The following MAST3 variants were observed in gnomAD, a reference collection of about 807,000 sequenced individuals.
MAST3 encodes the protein microtubule-associated serine/threonine-protein kinase 3.
Under a neutral mutation model 127.0 loss-of-function variants are expected in MAST3, and 43 were observed. The observed-to-expected ratio is 0.34, with a 90% CI of 0.27 to 0.44. The LOEUF (loss-of-function observed/expected upper bound fraction) is 0.44. Among genes scored for constraint, MAST3 ranks in the 20% least tolerant of loss-of-function variants. The pLI is 1.00. For missense variants in MAST3, 1,390 were observed against 1,919.1 expected, an observed-to-expected ratio of 0.72 and a Z score of 5.15; for synonymous variants, 785 against 809.2, an observed-to-expected ratio of 0.97 and a Z score of 0.51.
At chr19:18,113,584 G>A (rs906256109) in intron 3 of MAST3, among the ~76,000 whole-genome samples, 17 of 151,988 alleles carry the variant, frequency 1.1e-4, no homozygotes, top group Middle Eastern at 3.4e-3. Context: ...CCTCAGCCTC[G>A]TGAGTAGCTG....
At chr19:18,123,112 T>A in intron 6 of MAST3, 105 bp from the exon 7 acceptor site, 1 of 1,241,910 alleles carries the variant, frequency 8.1e-7, no homozygotes, top group East Asian at 2.3e-5. Context: ...GGATGTTACC[T>A]TCTGATGGCC....
chr19:18,149,148 G>A lies in MAST3; in HGVS notation c.3509-43G>A, dbSNP rs1310705619. On this transcript the variant is annotated intron_variant, in intron 27 of 27. Coordinates refer to ENST00000687212, the MANE Select transcript of MAST3 (RefSeq NM_001393504.1). This position sits in a 1 kb window ranked among gnomAD's most constrained non-coding sequence, Gnocchi z 5.9. ...CCCACAGCTCCACTTCTGGGCTGGG[G>A]ACATTGAGGCCAGCAGCCCTGACCT... The A allele has an allele frequency of 2.1e-6, 3 of 1,437,356 alleles. No individual in the cohort carries two copies. Among genetic ancestry groups the A allele is most frequent in the Admixed American group, 5.8e-5 (2 of 34,492 alleles). 89.0% of individuals were successfully genotyped at this position (1,437,356 alleles called of 1,614,324 possible).
chr19:18,114,258 C>T (rs763870657), intron 3 of MAST3, among the ~76,000 whole-genome samples: 15 of 150,702 alleles, frequency 1.0e-4, no homozygotes, highest in Non-Finnish European at 1.8e-4. Context: ...TGCGATATCT[C>T]GGCTCACTGC....
chr19:18,147,756 C>G lies in MAST3; in HGVS notation c.3508+132C>G, dbSNP rs979767276. The G allele has an allele frequency of 5.7e-6, 4 of 695,826 alleles. No individual in the cohort carries two copies. In the Admixed American group the frequency reaches 8.9e-5, roughly 16 times the overall value. 43.1% of individuals were successfully genotyped at this position (695,826 alleles called of 1,614,324 possible). ...AAAAAGATGACCGGGATCCTGGTGT[C>G]TAGCAGGGAACCTGGGAGTACTTAG... On this transcript the variant is annotated intron_variant, in intron 27 of 27. Transcript: ENST00000687212.
rs2038462180 is a variant in MAST3, at chr19:18,110,446, G to A, written c.72-206G>A. ...CTACCCTCCCCCCACGTCTCTGTTC[G>A]TGTCGCCCAGAAACGCACCGCCGCC... On this transcript the variant is annotated intron_variant, in intron 2 of 27. Transcript: ENST00000687212. This position sits in a 1 kb window ranked among gnomAD's most constrained non-coding sequence, Gnocchi z 4.3. 1 of 981,396 alleles carries A rather than the reference G, an allele frequency of 1.0e-6. No homozygotes were observed. The highest frequency in any genetic ancestry group is 1.2e-6 in the Non-Finnish European group (1 of 826,014). 60.8% of individuals were successfully genotyped at this position (981,396 alleles called of 1,614,324 possible).
At chr19:18,126,311 A>G (rs2040611165) in intron 11 of MAST3, among the ~76,000 whole-genome samples, 1 of 152,192 alleles carries the variant, frequency 6.6e-6, no homozygotes, top group South Asian at 2.1e-4. Context: ...CTGGTCCAGC[A>G]GTAGCCAGGG....
intron 13 of MAST3, chr19:18,129,162 C>T (rs1188087158): frequency 1.2e-5 from 7 of 574,590 alleles, no homozygotes; most frequent in African/African-American, 1.1e-4. Flanking sequence ...CGAGCCAGGC[C>T]TTTACCTGCC....
At position 18,106,966 on chromosome 19, in the gene MAST3, A is replaced by ATTTT. The variant is rs60298417; in HGVS notation, c.40-594_40-591dup. The stretch of plus-strand genomic sequence containing the variant: ...CAGGCTTGAGCCACCATGCCCAGCA[A>ATTTT]TTTTTTTTTTTTTTTTTTTTTTTTT... On this transcript the variant is annotated intron_variant, in intron 1 of 27. Coordinates refer to ENST00000687212, the MANE Select transcript of MAST3 (RefSeq NM_001393504.1). Among the ~76,000 whole-genome samples, 42 of 73,948 alleles carry ATTTT rather than the reference A, an allele frequency of 5.7e-4. 3 individuals carry two copies. The highest frequency in any genetic ancestry group is 1.1e-3 in the African/African-American group (18 of 16,006). The allele number at this position is 73,948 out of a possible 152,430, so 48.5% of individuals were successfully genotyped here. A position where few individuals can be genotyped will look rare whatever the true frequency, so the allele number is the denominator to read the frequency against.
At chr19:18,121,208 T>G (rs1326501918) in intron 3 of MAST3, among the ~76,000 whole-genome samples, 1 of 151,846 alleles carries the variant, frequency 6.6e-6, no homozygotes, top group Non-Finnish European at 1.5e-5. Context: ...TAGGCTGGAG[T>G]GCTGTGGCAC....
chr19:18,138,590 C>T (rs925826070), intron 19 of MAST3, among the ~76,000 whole-genome samples: 1 of 152,166 alleles, frequency 6.6e-6, no homozygotes, highest in African/African-American at 2.4e-5. Context: ...CTCTGCCTCC[C>T]GGGTTCAAGC....
At position 18,149,739 on chromosome 19, in the gene MAST3, T is replaced by C. The variant is rs767536822; in HGVS notation, c.*13T>C. ...CGGAAGAGACTGATCCCCTGCCAGG[T>C]CTCTCCCTGGCATCAAAGTTACGCG... On this transcript the variant is annotated 3_prime_UTR_variant, in exon 28 of 28. Coordinates refer to ENST00000687212, the MANE Select transcript of MAST3 (RefSeq NM_001393504.1). This position sits in a 1 kb window ranked among gnomAD's most constrained non-coding sequence, Gnocchi z 5.9. The C allele has an allele frequency of 6.2e-7, 1 of 1,610,378 alleles. No homozygotes were observed. The highest frequency in any genetic ancestry group is 8.5e-7 in the Non-Finnish European group (1 of 1,179,166).
intron 3 of MAST3, among the ~76,000 whole-genome samples, chr19:18,117,824 CCGGCCTCAGCCGCCCG>C: frequency 6.6e-6 from 1 of 151,796 alleles, no homozygotes; most frequent in South Asian, 2.1e-4. Flanking sequence ...GTAGCAACGC[CCGGCCTCAGCCGCCCG>C]CGGCCCTAGC....
chr19:18,099,275 G>A (rs545459895), intron 1 of MAST3, among the ~76,000 whole-genome samples: 1 of 151,132 alleles, frequency 6.6e-6, no homozygotes, highest in Admixed American at 6.6e-5. Context: ...CCGCGCGGGG[G>A]TGGGGCAGAA....
chr19:18,103,780 G>C (rs933838660), intron 1 of MAST3, among the ~76,000 whole-genome samples: 6 of 152,198 alleles, frequency 3.9e-5, no homozygotes, highest in African/African-American at 1.2e-4. Flanking sequence ...ACACAGTGCA[G>C]GAGTGGGGGA....
In MAST3 at chr19:18,143,843, T is replaced by C. The variant is rs759126501; in HGVS notation, c.2420T>C (p.Leu807Pro). 4.3e-6 allele frequency: 7 copies of C among 1,613,808 alleles called. No individual in the cohort carries two copies. Among genetic ancestry groups the C allele is most frequent in the Middle Eastern group, 1.6e-4 (1 of 6,084 alleles). Residue 807 changes from leucine to proline, a missense_variant, in exon 22 of 28, where the codon CTG (leucine) becomes CCG (proline). Leu to Pro is a moderately conservative substitution (Grantham distance 98). Coordinates refer to ENST00000687212, the MANE Select transcript of MAST3 (RefSeq NM_001393504.1). ...GAGCGGGGTCCCAGCCCATCTCTCC[T>C]GAATACCATCAGCCTGGACACAATG... ...QPERGPSPSL[L>P]NTISLDTMPK...
At chr19:18,138,363 C>G (rs2042103480) in intron 19 of MAST3, among the ~76,000 whole-genome samples, 1 of 150,810 alleles carries the variant, frequency 6.6e-6, no homozygotes, top group African/African-American at 2.4e-5. Context: ...GTCGCCCAGG[C>G]TGGAGTGCAG....
In MAST3 at chr19:18,147,512, C is replaced by T. The variant is rs1461582734; in HGVS notation, c.3396C>T (p.Ser1132=). ...SVLHTSRSFS[S]GLHHSLSSSE... Reference sequence around the variant, plus strand: ...TGCACACCAGCCGCAGCTTCTCCTCCGGACTCCACCACTCACTGTCATCCA... The same window carrying T: ...TGCACACCAGCCGCAGCTTCTCCTCTGGACTCCACCACTCACTGTCATCCA... Residue 1132 remains serine, a synonymous_variant, in exon 27 of 28, where the codon TCC becomes TCT. Transcript: ENST00000687212. 8.1e-6 allele frequency: 13 copies of T among 1,612,122 alleles called. No individual in the cohort carries two copies. Among genetic ancestry groups the T allele is most frequent in the African/African-American group, 1.3e-5 (1 of 74,848 alleles).
At chr19:18,113,050 G>A (rs574398472) in intron 3 of MAST3, among the ~76,000 whole-genome samples, 1 of 152,284 alleles carries the variant, frequency 6.6e-6, no homozygotes, top group Admixed American at 6.5e-5. Flanking sequence ...CATGATGAAG[G>A]GAGGGACCCG....
chr19:18,141,738 T>C (rs2042515036), intron 20 of MAST3, 144 bp from the exon 21 acceptor site: 5 of 571,168 alleles, frequency 8.8e-6, no homozygotes, highest in South Asian at 8.0e-5. Context: ...TTTTCTTTTT[T>C]TGAGACAGGG....
Sources: allele counts gnomAD v4.1 joint callset (sites outside exome capture counted in the v4.1 genomes callset), GRCh38; gene constraint gnomAD v4.1.1; non-coding constraint Gnocchi (gnomAD v3.1); transcripts MANE v1.5; gene names NCBI Gene and HGNC (gene_info 2026-07-23, HGNC 2026-07-21).